GRIA4: variants seen among roughly 807,000 people sequenced by gnomAD.
GRIA4 encodes glutamate receptor 4.
Under a neutral mutation model 104.0 loss-of-function variants are expected in GRIA4, and 34 were observed. The observed-to-expected ratio is 0.33, with a 90% CI of 0.25 to 0.44. The LOEUF is 0.44. Ranked by LOEUF, GRIA4 falls within the 20% of genes least tolerant of loss-of-function variation. The pLI, the probability that GRIA4 is intolerant of heterozygous loss-of-function variation, is 1.00. For synonymous variants in GRIA4, 386 were observed against 381.9 expected, an observed-to-expected ratio of 1.01 and a Z score of -0.13; for missense variants, 750 against 1,096.5, an observed-to-expected ratio of 0.68 and a Z score of 4.46.
chr11:105,786,375 T>C (rs1269410017), intron 4 of GRIA4, among the ~76,000 whole-genome samples: 2 of 152,210 alleles, frequency 1.3e-5, no homozygotes, highest in African/African-American at 4.8e-5. Flanking sequence ...TTGAACAATG[T>C]AGATGTTTAC....
chr11:105,926,982 G>T, intron 13 of GRIA4, 43 bp downstream of exon 13: 1 of 1,359,552 alleles, frequency 7.4e-7, no homozygotes, highest in Middle Eastern at 1.8e-4. Context: ...TTATCATTTT[G>T]AAATTCAGGC....
chr11:105,975,295 T>C (rs950333230), intron 16 of GRIA4, among the ~76,000 whole-genome samples: 4 of 152,162 alleles, frequency 2.6e-5, no homozygotes, highest in Admixed American at 2.0e-4. Context: ...TCAGCAATAT[T>C]TGTGTCCTAT....
At chr11:105,665,387 A>G (rs1444978449) in intron 3 of GRIA4, among the ~76,000 whole-genome samples, 3 of 152,012 alleles carry the variant, frequency 2.0e-5, no homozygotes, top group African/African-American at 4.8e-5. Flanking sequence ...TGTCCTAATT[A>G]TATAGATACA....
At chr11:105,623,442 C>G (rs1325336705) in intron 3 of GRIA4, among the ~76,000 whole-genome samples, 1 of 151,866 alleles carries the variant, frequency 6.6e-6, no homozygotes, top group African/African-American at 2.4e-5. Flanking sequence ...TACCTAGAAC[C>G]CTCCAATGAC....
At chr11:105,936,430 A>C (rs749719566) in intron 14 of GRIA4, among the ~76,000 whole-genome samples, 5 of 152,156 alleles carry the variant, frequency 3.3e-5, no homozygotes, top group African/African-American at 1.2e-4. Flanking sequence ...TTAGGTTAAT[A>C]GTTCTGGATG....
intron 16 of GRIA4, among the ~76,000 whole-genome samples, chr11:105,975,618 T>C (rs1317091485): frequency 6.6e-6 from 1 of 152,076 alleles, no homozygotes; most frequent in Non-Finnish European, 1.5e-5. Flanking sequence ...GCTAAGTGAA[T>C]AGGCTGCTCA....
Position 105,873,385 on chromosome 11 carries a change from G to A in GRIA4, c.672+11177G>A, listed in dbSNP as rs777454195. Among the ~76,000 whole-genome samples, 12 of 152,054 alleles carry A rather than the reference G, an allele frequency of 7.9e-5. No homozygotes were observed. In the East Asian group the frequency reaches 1.2e-3, roughly 15 times the overall value. ...GTGAATAGTGCTGCAATAAACATAC[G>A]TGTGCATGTGTCTTTACAGTAGAAT... On this transcript the variant is annotated intron_variant, in intron 5 of 16. Coordinates refer to ENST00000282499, the MANE Select transcript of GRIA4 (RefSeq NM_000829.4).
At chr11:105,654,989 A>C (rs1289780162) in intron 3 of GRIA4, among the ~76,000 whole-genome samples, 1 of 152,164 alleles carries the variant, frequency 6.6e-6, no homozygotes, top group African/African-American at 2.4e-5. Context: ...TCATCCTGAT[A>C]TCATTAATAA....
chr11:105,658,865 C>T (rs1262606100), intron 3 of GRIA4, among the ~76,000 whole-genome samples: 5 of 151,810 alleles, frequency 3.3e-5, no homozygotes, highest in African/African-American at 1.2e-4. Flanking sequence ...GCGATTAGAA[C>T]TCCTGTTGAA....
At chr11:105,660,234 A>G (rs1951966631) in intron 3 of GRIA4, among the ~76,000 whole-genome samples, 1 of 151,744 alleles carries the variant, frequency 6.6e-6, no homozygotes, top group South Asian at 2.1e-4. Context: ...TGTCCAAAAC[A>G]CTGATAATAA....
chr11:105,757,088 C>T (rs1392044950), intron 4 of GRIA4, among the ~76,000 whole-genome samples: 2 of 152,162 alleles, frequency 1.3e-5, no homozygotes, highest in African/African-American at 4.8e-5. Flanking sequence ...GGGAGTCCAA[C>T]TCTCTTCAGA....
intron 5 of GRIA4, among the ~76,000 whole-genome samples, chr11:105,875,619 A>G (rs188442637): frequency 2.0e-4 from 31 of 152,282 alleles, no homozygotes; most frequent in African/African-American, 6.3e-4. Context: ...CAAGGATTCT[A>G]CTTCTTCCTG....
intron 3 of GRIA4, among the ~76,000 whole-genome samples, chr11:105,656,192 T>C (rs964139959): frequency 3.9e-5 from 6 of 152,110 alleles, no homozygotes; most frequent in African/African-American, 1.4e-4. Flanking sequence ...TTTTCCCTTG[T>C]AAATTCGTTT....
intron 3 of GRIA4, among the ~76,000 whole-genome samples, chr11:105,749,222 C>T (rs898342260): frequency 2.6e-5 from 4 of 152,076 alleles, no homozygotes; most frequent in Admixed American, 6.6e-5. Context: ...TGTAGTTAGT[C>T]GCTAGCAAAG....
chr11:105,885,241 C>T (rs1016334050), intron 5 of GRIA4, among the ~76,000 whole-genome samples: 1 of 152,164 alleles, frequency 6.6e-6, no homozygotes, highest in Non-Finnish European at 1.5e-5. Context: ...CTCCATCCTG[C>T]TCCACCCATG....
chr11:105,654,096 A>G (rs899168638), intron 3 of GRIA4, among the ~76,000 whole-genome samples: 7 of 151,604 alleles, frequency 4.6e-5, no homozygotes, highest in African/African-American at 1.7e-4. Flanking sequence ...GAAGACATTA[A>G]CTGAAATAGG....
chr11:105,788,997 G>C (rs1942096845), intron 4 of GRIA4, among the ~76,000 whole-genome samples: 1 of 152,174 alleles, frequency 6.6e-6, no homozygotes, highest in Admixed American at 6.6e-5. Context: ...TAGGACTTAG[G>C]ACTAAATTGT....
At chr11:105,680,838 A>T (rs1187774330) in intron 3 of GRIA4, among the ~76,000 whole-genome samples, 2 of 152,118 alleles carry the variant, frequency 1.3e-5, no homozygotes, top group Admixed American at 6.6e-5. Flanking sequence ...CTCAGGGTAG[A>T]TGACAAGCCA....
intron 4 of GRIA4, among the ~76,000 whole-genome samples, chr11:105,802,052 A>G (rs1422851240): frequency 6.6e-6 from 1 of 152,126 alleles, no homozygotes; most frequent in Admixed American, 6.6e-5. Context: ...CTAAATTGGC[A>G]GGCAGCCTGA....
Sources: allele counts gnomAD v4.1 joint callset (sites outside exome capture counted in the v4.1 genomes callset), GRCh38; gene constraint gnomAD v4.1.1; transcripts MANE v1.5; gene names NCBI Gene and HGNC (gene_info 2026-07-23, HGNC 2026-07-21).